The following EBF1 variants were observed in gnomAD, a reference collection of about 807,000 sequenced individuals.
The protein encoded by EBF1 is transcription factor COE1.
A neutral mutation model predicts 68.4 loss-of-function variants in EBF1; 10 were observed. That is an observed-to-expected ratio of 0.15 (90% CI 0.09 to 0.25). The LOEUF is 0.25. Among genes scored for constraint, EBF1 ranks in the 10% least tolerant of loss-of-function variants. The pLI, the probability that EBF1 is intolerant of heterozygous loss-of-function variation, is 1.00. For missense variants in EBF1, 509 were observed against 794.4 expected (o/e 0.64, Z 4.32); for synonymous variants, 298 against 299.8 (o/e 0.99, Z 0.06).
At chr5:158,943,205 G>A (rs1484535775) in intron 6 of EBF1, among the ~76,000 whole-genome samples, 1 of 152,148 alleles carries the variant, frequency 6.6e-6, no homozygotes, top group Admixed American at 6.5e-5. Flanking sequence ...ACAGAGGCCA[G>A]AATGACACAT....
chr5:158,943,728 T>C (rs761127531), intron 6 of EBF1, among the ~76,000 whole-genome samples: 4 of 152,032 alleles, frequency 2.6e-5, no homozygotes, highest in Non-Finnish European at 5.9e-5. Flanking sequence ...AAATCTCAAC[T>C]GAAATGGGAA....
At position 158,698,576 on chromosome 5, in the gene EBF1, C is replaced by T. The variant is rs760005247; in HGVS notation, c.*535G>A. ...AACTACCATTTGATATGCTTTAAGG[C>T]GCAAAAGCCGACCCTTAGTTTTTCT... On this transcript the variant is annotated 3_prime_UTR_variant, in exon 16 of 16. Coordinates refer to ENST00000313708, the MANE Select transcript of EBF1 (RefSeq NM_024007.5). 6.4e-5 allele frequency: 14 copies of T among 219,028 alleles called. No homozygotes were observed. The highest frequency in any genetic ancestry group is 1.3e-4 in the East Asian group (2 of 14,944). The allele number at this position is 219,028 out of a possible 1,614,324, so 13.6% of individuals were successfully genotyped here. A position where few individuals can be genotyped will look rare whatever the true frequency, so the allele number is the denominator to read the frequency against.
At chr5:158,766,871 C>T (rs893328482) in intron 10 of EBF1, among the ~76,000 whole-genome samples, 28 of 152,056 alleles carry the variant, frequency 1.8e-4, no homozygotes, top group Non-Finnish European at 3.8e-4. Flanking sequence ...TTTTTAGTAC[C>T]TTCTTTGAAT....
At chr5:159,006,094 G>A (rs1315468708) in intron 6 of EBF1, among the ~76,000 whole-genome samples, 1 of 152,138 alleles carries the variant, frequency 6.6e-6, no homozygotes, top group East Asian at 1.9e-4. Flanking sequence ...ACGGTATAGA[G>A]GAGAATTCAA....
intron 8 of EBF1, among the ~76,000 whole-genome samples, chr5:158,815,847 T>C (rs1351175883): frequency 2.0e-5 from 3 of 152,180 alleles, no homozygotes; most frequent in African/African-American, 7.2e-5. Flanking sequence ...CCACATCCTT[T>C]CTATTTCAAG....
Position 159,099,539 on chromosome 5 carries a change from AAAG to A in EBF1, c.-64_-62del. The A allele has an allele frequency of 7.0e-7, 1 of 1,419,456 alleles. No individual in the cohort carries two copies. Among genetic ancestry groups the A allele is most frequent in the Non-Finnish European group, 9.3e-7 (1 of 1,079,126 alleles). The allele number at this position is 1,419,456 out of a possible 1,614,324, so 87.9% of individuals were successfully genotyped here. ...CTTGAAAAAAATTAAAAAAAAAAAAAAAGGAAAGAAAAGAAAGAAAAGAAAAGA... is the reference window on the plus strand; with the variant it reads ...CTTGAAAAAAATTAAAAAAAAAAAAAGAAAGAAAAGAAAGAAAAGAAAAGA... On this transcript the variant is annotated 5_prime_UTR_variant, in exon 1 of 16. Transcript: ENST00000313708.
intron 6 of EBF1, among the ~76,000 whole-genome samples, chr5:158,989,038 G>T (rs557697077): frequency 6.6e-6 from 1 of 152,158 alleles, no homozygotes; most frequent in Non-Finnish European, 1.5e-5. Context: ...CATCGTTGAC[G>T]TGTCCTTCAG....
chr5:158,829,682 C>T (rs1282011952), intron 7 of EBF1, among the ~76,000 whole-genome samples: 3 of 152,116 alleles, frequency 2.0e-5, no homozygotes, highest in African/African-American at 7.2e-5. Flanking sequence ...GTATTGATCA[C>T]ACTTCTACCC....
chr5:159,097,723 G>T (rs1782902006), intron 1 of EBF1: 1 of 233,428 alleles, frequency 4.3e-6, no homozygotes, highest in Non-Finnish European at 8.5e-6. Context: ...TGTCGCGGGT[G>T]GTCGCTGTGA....
Position 158,974,132 on chromosome 5 carries a change from T to C in EBF1, c.554+99264A>G, listed in dbSNP as rs10476280. On this transcript the variant is annotated intron_variant, in intron 6 of 15. Coordinates refer to ENST00000313708, the MANE Select transcript of EBF1 (RefSeq NM_024007.5). ...ATATCTCTAATTCCTAGCACAATGA[T>C]ACAGTCAGTACGTTTGAATAAACCA... Among the ~76,000 whole-genome samples, 581 of 152,356 alleles carry C rather than the reference T, an allele frequency of 3.8e-3. 6 individuals carry two copies. Among genetic ancestry groups the C allele is most frequent in the African/African-American group, 0.013 (559 of 41,594 alleles).
rs147477056 is a variant in EBF1 at position 158,712,346 on chromosome 5, G to A, written c.1370-13C>T. The A allele has an allele frequency of 3.7e-6, 6 of 1,612,548 alleles. No homozygotes were observed. The East Asian group carries it at 1.3e-4, about 36-fold the overall frequency. On this transcript the variant is annotated splice_polypyrimidine_tract_variant and intron_variant, in intron 13 of 15. Coordinates refer to ENST00000313708, the MANE Select transcript of EBF1 (RefSeq NM_024007.5). ...TTGCGGGTGAAACCTGAGGGGCGGG[G>A]GCAAAACCGGAGGTGAGGGTGGCAT...
intron 10 of EBF1, among the ~76,000 whole-genome samples, chr5:158,772,852 A>C (rs1461392387): frequency 6.6e-6 from 1 of 152,190 alleles, no homozygotes; most frequent in Non-Finnish European, 1.5e-5. Flanking sequence ...TGCTAAATAC[A>C]GTTCCATGAT....
chr5:158,761,718 A>T (rs1771498292), intron 10 of EBF1, among the ~76,000 whole-genome samples: 2 of 152,238 alleles, frequency 1.3e-5, no homozygotes, highest in Admixed American at 1.3e-4. Context: ...AAATACTTAA[A>T]TCCATTAAGT....
chr5:159,068,754 G>A (rs1162436615), intron 6 of EBF1, among the ~76,000 whole-genome samples: 1 of 152,044 alleles, frequency 6.6e-6, no homozygotes, highest in African/African-American at 2.4e-5. Context: ...CCCAATTCGT[G>A]TTACCTAAAT....
intron 7 of EBF1, among the ~76,000 whole-genome samples, chr5:158,831,221 C>T (rs576689240): frequency 4.6e-5 from 7 of 152,032 alleles, no homozygotes; most frequent in African/African-American, 9.7e-5. Flanking sequence ...TGCTCTGTAA[C>T]GATGGGGCTA....
chr5:159,003,010 T>C (rs985248487), intron 6 of EBF1, among the ~76,000 whole-genome samples: 1 of 152,252 alleles, frequency 6.6e-6, no homozygotes, highest in South Asian at 2.1e-4. Context: ...TGATGCAAGT[T>C]TGGGATGCTT....
At chr5:158,710,237 A>G (rs1022034307) in intron 14 of EBF1, among the ~76,000 whole-genome samples, 1 of 152,216 alleles carries the variant, frequency 6.6e-6, no homozygotes, top group African/African-American at 2.4e-5. Flanking sequence ...GTGAGCACTG[A>G]GAAAATCAAT....
intron 10 of EBF1, among the ~76,000 whole-genome samples, chr5:158,746,488 A>T (rs1296868281): frequency 6.6e-6 from 1 of 152,132 alleles, no homozygotes; most frequent in Non-Finnish European, 1.5e-5. Flanking sequence ...AGGCCTTTAG[A>T]AATGCCATCT....
At chr5:159,001,931 TTGTGTGTG>T (rs371712463) in intron 6 of EBF1, among the ~76,000 whole-genome samples, 1 of 151,604 alleles carries the variant, frequency 6.6e-6, no homozygotes, top group African/African-American at 2.4e-5. Context: ...GTGTGTGTGT[TTGTGTGTG>T]TGTGTGCCTG....
Sources: gnomAD v4.1 joint callset for allele counts (sites outside exome capture counted in the v4.1 genomes callset) on GRCh38, gnomAD v4.1.1 for gene constraint, MANE v1.5 for transcripts, NCBI Gene and HGNC (gene_info 2026-07-23, HGNC 2026-07-21) for gene names.